The following EFCAB5 variants were observed in gnomAD, a reference collection of about 807,000 sequenced individuals.
EFCAB5 encodes the protein EF-hand calcium binding domain 5.
In EFCAB5, 131 loss-of-function variants were observed where a neutral mutation model predicts 167.9. The observed-to-expected ratio is 0.78, with a 90% CI of 0.68 to 0.90. The LOEUF (loss-of-function observed/expected upper bound fraction) is 0.90. Among genes scored for constraint, EFCAB5 ranks in the 40% least tolerant of loss-of-function variants. The pLI, the probability that EFCAB5 is intolerant of heterozygous loss-of-function variation, is 0.00. For synonymous variants in EFCAB5, 574 were observed against 602.8 expected (o/e 0.95, Z 0.70); for missense variants, 1,663 against 1,745.2 (o/e 0.95, Z 0.84).
intron 3 of EFCAB5, among the ~76,000 whole-genome samples, chr17:29,965,992 A>G (rs1206340569): frequency 6.6e-6 from 1 of 152,170 alleles, no homozygotes; most frequent in Non-Finnish European, 1.5e-5. Context: ...TTCCAAGGAA[A>G]TAAATTTACT....
At chr17:29,988,538 G>C (rs1021901025) in intron 4 of EFCAB5, among the ~76,000 whole-genome samples, 1 of 152,052 alleles carries the variant, frequency 6.6e-6, no homozygotes, top group African/African-American at 2.4e-5. Context: ...ACCTTCAATT[G>C]GTTTAAATTT....
chr17:29,996,170 A>C, intron 5 of EFCAB5, 142 bp from the exon 6 acceptor site: 2 of 618,832 alleles, frequency 3.2e-6, no homozygotes, highest in Admixed American at 3.0e-5. Context: ...GTGACTTATT[A>C]CTATTTCTGT....
intron 14 of EFCAB5, among the ~76,000 whole-genome samples, chr17:30,070,073 G>T (rs1304951570): frequency 6.6e-6 from 1 of 152,156 alleles, no homozygotes; most frequent in Non-Finnish European, 1.5e-5. Context: ...CTTCAGGGAA[G>T]AACATAGTTT....
chr17:29,984,723 CAATA>C (rs1391750318), intron 4 of EFCAB5, among the ~76,000 whole-genome samples: 2 of 151,940 alleles, frequency 1.3e-5, no homozygotes, highest in East Asian at 1.9e-4. Flanking sequence ...CATCTCAAAA[CAATA>C]AATAAATAAA....
In EFCAB5 at chr17:30,057,666, T is replaced by G. The variant is rs763891513; in HGVS notation, c.2366-10T>G. 1.2e-6 allele frequency: 2 copies of G among 1,607,380 alleles called. No individual in the cohort carries two copies. The highest frequency in any genetic ancestry group is 2.2e-5 in the South Asian group (2 of 90,638). On this transcript the variant is annotated splice_polypyrimidine_tract_variant and intron_variant, in intron 12 of 22. Transcript: ENST00000394835. ...CACTTTACTGCTTGGTAATGTTTCT[T>G]GCTTGACAGATTTACACTCAATTAT...
At chr17:30,037,767 G>C (rs1477460863) in intron 8 of EFCAB5, among the ~76,000 whole-genome samples, 6 of 152,042 alleles carry the variant, frequency 3.9e-5, no homozygotes, top group Non-Finnish European at 8.8e-5. Context: ...AAAAGTATTA[G>C]TAAATTAAAA....
At chr17:29,962,956 G>A (rs1241402830) in intron 3 of EFCAB5, among the ~76,000 whole-genome samples, 1 of 151,748 alleles carries the variant, frequency 6.6e-6, no homozygotes, top group Non-Finnish European at 1.5e-5. Flanking sequence ...TTTTATTTTT[G>A]TTTTGAGATA....
intron 7 of EFCAB5, among the ~76,000 whole-genome samples, chr17:30,000,767 C>G (rs1483435270): frequency 6.6e-6 from 1 of 152,114 alleles, no homozygotes; most frequent in Non-Finnish European, 1.5e-5. Context: ...CAAATTCTAC[C>G]TCAGTTATGT....
At chr17:30,026,961 CTTTTTTTTTTTTTTTTTTTTTTTTTT>C (rs71138868) in intron 7 of EFCAB5, among the ~76,000 whole-genome samples, 11 of 64,550 alleles carry the variant, frequency 1.7e-4, no homozygotes, top group Non-Finnish European at 2.3e-4. Flanking sequence ...CTCCTTGTAC[CTTTTTTTTTTTTTTTTTTTTTTTTTT>C]TTTTTTTTTT....
chr17:29,965,305 A>AG (rs2067806546), intron 3 of EFCAB5, among the ~76,000 whole-genome samples: 1 of 151,868 alleles, frequency 6.6e-6, no homozygotes. Flanking sequence ...TGTAAGAATG[A>AG]GTTGTTTATT....
At chr17:30,087,658 G>C (rs2071115523) in intron 19 of EFCAB5, among the ~76,000 whole-genome samples, 1 of 152,140 alleles carries the variant, frequency 6.6e-6, no homozygotes, top group Non-Finnish European at 1.5e-5. Context: ...TCCATGATGT[G>C]TGTGTATACC....
chr17:30,076,137 C>T (rs765471789), intron 14 of EFCAB5, among the ~76,000 whole-genome samples: 9 of 152,250 alleles, frequency 5.9e-5, no homozygotes, highest in Non-Finnish European at 8.8e-5. Context: ...CTTTGTCTTG[C>T]TCTCTTCTGT....
chr17:30,087,025 T>G, intron 18 of EFCAB5, 38 bp from the exon 19 acceptor site: 1 of 1,572,074 alleles, frequency 6.4e-7, no homozygotes, highest in Non-Finnish European at 8.7e-7. Flanking sequence ...GAATATGAGG[T>G]CTAATTACTC....
intron 3 of EFCAB5, among the ~76,000 whole-genome samples, chr17:29,949,953 T>C (rs1344465462): frequency 1.3e-5 from 2 of 152,168 alleles, no homozygotes; most frequent in Non-Finnish European, 2.9e-5. Flanking sequence ...TAATGAGCCA[T>C]GACAGATGGG....
intron 1 of EFCAB5, among the ~76,000 whole-genome samples, chr17:29,936,233 A>C (rs1461649271): frequency 6.6e-6 from 1 of 151,740 alleles, no homozygotes; most frequent in Admixed American, 6.6e-5. Flanking sequence ...TCATGTTCTC[A>C]CTCATAGGTG....
chr17:30,100,401 G>A (rs1243368751), intron 22 of EFCAB5, among the ~76,000 whole-genome samples: 1 of 152,200 alleles, frequency 6.6e-6, no homozygotes, highest in East Asian at 1.9e-4. Context: ...GAGTAAGGCA[G>A]TGGATGCAAA....
intron 22 of EFCAB5, among the ~76,000 whole-genome samples, chr17:30,103,861 A>G (rs980277899): frequency 6.6e-6 from 1 of 152,158 alleles, no homozygotes; most frequent in South Asian, 2.1e-4. Context: ...CTAATAATAC[A>G]GAAGAATTAG....
rs780951420 is a variant in EFCAB5, at chr17:29,993,367, TA to T, written c.924+50del. ...TGTGAAAGGTAGGTGGGGTAAGTGG[TA>T]AAAGGGCAATTGCTAGAATACTGAG... On this transcript the variant is annotated intron_variant, in intron 5 of 22. Transcript: ENST00000394835. The T allele has an allele frequency of 5.7e-5, 90 of 1,572,924 alleles. No homozygotes were observed. In the South Asian group the frequency reaches 7.1e-4, roughly 12 times the overall value.
In EFCAB5 at chr17:30,034,255, T is replaced by C; in HGVS notation, c.1070T>C (p.Leu357Ser). 1 of 1,613,990 alleles carries C rather than the reference T, an allele frequency of 6.2e-7. No individual in the cohort carries two copies. The highest frequency in any genetic ancestry group is 8.5e-7 in the Non-Finnish European group (1 of 1,179,870). ...TACATCTCTTCACATATTAAAGACT[T>C]GAAGAGTGAAATGTTTGAGGAACTT... ...TEYISSHIKDLKSEMFEELLK... is the reference protein window; with the variant it reads ...TEYISSHIKDSKSEMFEELLK... The change falls in exon 8 of 23, where the codon TTG becomes TCG. Residue 357 changes from leucine (L) to serine (S), a missense_variant. Physicochemically the swap from Leu to Ser is moderately radical, Grantham distance 145. Coordinates refer to ENST00000394835, the MANE Select transcript of EFCAB5 (RefSeq NM_198529.4).
Sources: gnomAD v4.1 joint callset for allele counts (sites outside exome capture counted in the v4.1 genomes callset) on GRCh38, gnomAD v4.1.1 for gene constraint, MANE v1.5 for transcripts, NCBI Gene and HGNC (gene_info 2026-07-23, HGNC 2026-07-21) for gene names.